ABCA2: variants seen among roughly 807,000 people sequenced by gnomAD.
The protein encoded by ABCA2 is ATP-binding cassette sub-family A member 2.
A neutral mutation model predicts 262.8 loss-of-function variants in ABCA2; 84 were observed. The ratio of observed to expected loss-of-function variants is 0.32; its 90% CI spans 0.27 to 0.38. ABCA2 has a LOEUF of 0.38. Among genes scored for constraint, ABCA2 ranks in the 10% least tolerant of loss-of-function variants. The pLI is 1.00. For synonymous variants in ABCA2, 1,696 were observed against 1,502.9 expected (o/e 1.13, Z -2.97); for missense variants, 2,662 against 3,405.9 (o/e 0.78, Z 5.44).
rs142159780 is a variant in ABCA2 at position 137,024,680 on chromosome 9, C to T, written c.67-444G>A. Reference sequence around the variant, plus strand: ...CCTCCCACTTCCTCCCCACCAATACCGGGGCCTGGGGAGATGAGGAGGCCT... The same window carrying T: ...CCTCCCACTTCCTCCCCACCAATACTGGGGCCTGGGGAGATGAGGAGGCCT... On this transcript the variant is annotated intron_variant, in intron 1 of 48. Coordinates refer to ENST00000341511, the MANE Select transcript of ABCA2 (RefSeq NM_001606.5). 4.7e-3 allele frequency among the ~76,000 whole-genome samples: 720 copies of T among 152,346 alleles called. 4 individuals are homozygous for T. Among genetic ancestry groups the T allele is most frequent in the Non-Finnish European group, 7.0e-3 (477 of 68,032 alleles).
chr9:137,013,072 A>C lies in ABCA2; in HGVS notation c.4797T>G (p.Ser1599=). ...CCTCATCCGGGGACGCTGGCGAGTC[A>C]GATGGGGCGGGCGAGGGTGGGGGTG... The part of the protein sequence containing the change: ...FVPPPPSPAP[S]DSPASPDEDL... The change falls in exon 30 of 49, where the codon TCT becomes TCG. Residue 1599 remains serine, a synonymous_variant. Coordinates refer to ENST00000341511, the MANE Select transcript of ABCA2 (RefSeq NM_001606.5). The C allele has an allele frequency of 7.5e-7, 1 of 1,333,424 alleles. No individual in the cohort carries two copies. The highest frequency in any genetic ancestry group is 1.0e-6 in the Non-Finnish European group (1 of 986,352). The allele number at this position is 1,333,424 out of a possible 1,614,324, so 82.6% of individuals were successfully genotyped here.
chr9:137,010,292 C>A lies in ABCA2; in HGVS notation c.6254G>T (p.Gly2085Val). 1 of 1,594,630 alleles carries A rather than the reference C, an allele frequency of 6.3e-7. No individual in the cohort carries two copies. The change falls in exon 41 of 49, where the codon GGG (glycine) becomes GTG (valine). Residue 2085 changes from glycine to valine, a missense_variant. Transcript: ENST00000341511. ...CLGVRPGECF[G>V]LLGVNGAGKT... ...GCCCGCACCGTTGACGCCCAGGAGC[C>A]CGAAGCACTCGCCAGGACGCACACC...
chr9:137,015,774 C>T lies in ABCA2; in HGVS notation c.3415G>A (p.Val1139Met), dbSNP rs1831236960. The T allele has an allele frequency of 1.2e-6, 2 of 1,612,404 alleles. No individual in the cohort carries two copies. Among genetic ancestry groups the T allele is most frequent in the Non-Finnish European group, 1.7e-6 (2 of 1,179,836 alleles). Residue 1139 changes from valine to methionine, a missense_variant, in exon 23 of 49, where the codon GTG (valine) becomes ATG (methionine). Physicochemically the swap from Val to Met is conservative, Grantham distance 21. Transcript: ENST00000341511. ...KRKLSVAIAF[V>M]GGSRAIILDE... ...AGGATGATGGCGCGAGAGCCGCCCA[C>T]GAAGGCGATGGCCACGGACAGCTTG...
Position 137,019,891 on chromosome 9 carries a change from C to T in ABCA2, c.1425+445G>A, listed in dbSNP as rs1436300513. The T allele has an allele frequency of 4.8e-6, 1 of 207,874 alleles. No homozygotes were observed. The highest frequency in any genetic ancestry group is 2.5e-5 in the African/African-American group (1 of 40,380). 12.9% of individuals were successfully genotyped at this position (207,874 alleles called of 1,614,324 possible). ...GCTCCACCCTCATCTGTCCCACCCT[C>T]ATCCTAGGGACCCCCTCTACACCCA... On this transcript the variant is annotated intron_variant, in intron 10 of 48. Transcript: ENST00000341511. This position sits in a 1 kb window ranked among gnomAD's most constrained non-coding sequence, Gnocchi z 4.4.
chr9:137,018,904 T>C lies in ABCA2; in HGVS notation c.1721A>G (p.Lys574Arg). Reference sequence around the variant, plus strand: ...TGGCTCGGAGGCCCCACCGCTCACCTTGGACATGAACTGGATCCAGCCGCA... The same window carrying C: ...TGGCTCGGAGGCCCCACCGCTCACCCTGGACATGAACTGGATCCAGCCGCA... ...AACGWIQFMSKVSVDIFKGFP... is the reference protein window; with the variant it reads ...AACGWIQFMSRVSVDIFKGFP... The change falls in exon 12 of 49, where the codon AAG becomes AGG. Residue 574 changes from lysine to arginine, a missense_variant and splice_region_variant. By Grantham distance (26) the Lys-to-Arg change is conservative. Transcript: ENST00000341511. The C allele has an allele frequency of 2.5e-6, 4 of 1,612,382 alleles. No homozygotes were observed. Among genetic ancestry groups the C allele is most frequent in the Non-Finnish European group, 3.4e-6 (4 of 1,179,576 alleles).
At position 137,012,470 on chromosome 9, in the gene ABCA2, C is replaced by CG. The variant is rs989242412; in HGVS notation, c.5187+14dup. ...CGCTACACACAGCGGGGCCCAGGCC[C>CG]GCAGCCTCGCTCACCTGGGCAGCCC... is the stretch of plus-strand genomic sequence containing the variant. On this transcript the variant is annotated intron_variant, in intron 32 of 48. Transcript: ENST00000341511. 4.3e-6 allele frequency: 7 copies of CG among 1,610,706 alleles called. No homozygotes were observed. The African/African-American group carries it at 8.0e-5, about 18-fold the overall frequency.
intron 18 of ABCA2, 32 bp downstream of exon 18, chr9:137,017,164 A>AC: frequency 6.2e-7 from 1 of 1,611,130 alleles, no homozygotes. Context: ...GTGGCCCGGC[A>AC]CCCCAGCCGC....
Position 137,013,814 on chromosome 9 carries a change from G to A in ABCA2, c.4447+18C>T, listed in dbSNP as rs775886783. The A allele has an allele frequency of 5.4e-5, 86 of 1,589,538 alleles. No homozygotes were observed. The highest frequency in any genetic ancestry group is 2.5e-4 in the East Asian group (11 of 43,250). ...GGGGGGAGGCAAGCCCAGCACCCCT[G>A]TCCAGCCGGTGGCCTACCAATCTCC... On this transcript the variant is annotated intron_variant, in intron 28 of 48. Coordinates refer to ENST00000341511, the MANE Select transcript of ABCA2 (RefSeq NM_001606.5).
chr9:137,023,474 T>C, intron 3 of ABCA2: 1 of 723,232 alleles, frequency 1.4e-6, no homozygotes, highest in East Asian at 2.7e-5. Flanking sequence ...TGCAAGAGCC[T>C]GAAGGAGTAT....
chr9:137,020,210 T>C, intron 10 of ABCA2, 126 bp downstream of exon 10: 2 of 1,296,796 alleles, frequency 1.5e-6, no homozygotes, highest in African/African-American at 1.5e-5. Context: ...CTGTGTCCCA[T>C]CCGAAGCTGC....
At position 137,009,572 on chromosome 9, in the gene ABCA2, T is replaced by C. The variant is rs1460470633; in HGVS notation, c.6703A>G (p.Thr2235Ala). 6.2e-7 allele frequency: 1 copy of C among 1,612,888 alleles called. No individual in the cohort carries two copies. The highest frequency in any genetic ancestry group is 1.1e-5 in the South Asian group (1 of 91,076). ...LWNLILDLIK[T>A]GRSVVLTSHS... ...GATGTCAGCACCACTGAACGCCCTG[T>C]CTTGATGAGGTCAAGGATGAGGTTC... Residue 2235 changes from threonine (T) to alanine (A), a missense_variant, in exon 44 of 49, where the codon ACA (threonine) becomes GCA (alanine). Thr to Ala is a moderately conservative substitution (Grantham distance 58). Transcript: ENST00000341511.
At chr9:137,008,900 G>GCCCCCCCCCCCCCCCAGCGCCCCC in intron 46 of ABCA2, 32 bp from the exon 47 acceptor site, 1 of 1,555,284 alleles carries the variant, frequency 6.4e-7, no homozygotes, top group Non-Finnish European at 8.7e-7. Flanking sequence ...GCCTGGCAGC[G>GCCCCCCCCCCCCCCCAGCGCCCCC]CCCCCCCACC....
At position 137,010,291 on chromosome 9, in the gene ABCA2, C is replaced by T; in HGVS notation, c.6255G>A (p.Gly2085=). The T allele has an allele frequency of 3.8e-6, 6 of 1,595,130 alleles. No homozygotes were observed. Among genetic ancestry groups the T allele is most frequent in the Non-Finnish European group, 5.1e-6 (6 of 1,171,948 alleles). The change falls in exon 41 of 49, where the codon GGG becomes GGA. Residue 2085 remains glycine, a synonymous_variant. Coordinates refer to ENST00000341511, the MANE Select transcript of ABCA2 (RefSeq NM_001606.5). ...CLGVRPGECF[G]LLGVNGAGKT... Reference sequence around the variant, plus strand: ...TGCCCGCACCGTTGACGCCCAGGAGCCCGAAGCACTCGCCAGGACGCACAC... The same window carrying T: ...TGCCCGCACCGTTGACGCCCAGGAGTCCGAAGCACTCGCCAGGACGCACAC...
Position 137,013,428 on chromosome 9 carries a change from A to G in ABCA2, c.4550+33T>C, listed in dbSNP as rs1393075412. 7.9e-6 allele frequency: 11 copies of G among 1,392,160 alleles called. No individual in the cohort carries two copies. The African/African-American group carries it at 1.6e-4, about 21-fold the overall frequency. 86.2% of individuals were successfully genotyped at this position (1,392,160 alleles called of 1,614,324 possible). ...CTGTCCCCGCCCCTTCACTCGCCCC[A>G]CCCACCAAGGCTGCCCCCGCTGGAG... On this transcript the variant is annotated intron_variant, in intron 29 of 48. Coordinates refer to ENST00000341511, the MANE Select transcript of ABCA2 (RefSeq NM_001606.5).
intron 40 of ABCA2, 90 bp from the exon 41 acceptor site, chr9:137,010,461 A>T (rs1000251511): frequency 8.2e-7 from 1 of 1,223,746 alleles, no homozygotes; most frequent in African/African-American, 2.3e-5. Context: ...CCACCTCCAG[A>T]GCCCAGGGGG....
chr9:137,008,752 G>A lies in ABCA2; in HGVS notation c.7047C>T (p.Val2349=), dbSNP rs1245328938. 2 of 1,586,502 alleles carry A rather than the reference G, an allele frequency of 1.3e-6. No individual in the cohort carries two copies. The highest frequency in any genetic ancestry group is 2.3e-5 in the South Asian group (2 of 87,500). The change falls in exon 47 of 49, where the codon GTC becomes GTT. Residue 2349 remains valine, a synonymous_variant. Coordinates refer to ENST00000341511, the MANE Select transcript of ABCA2 (RefSeq NM_001606.5). ...SGVLGIEDYS[V]SQTTLDNVFV... ...TCACATTGTCCAGTGTGGTCTGGCT[G>A]ACCGAGTAGTCCTCGATGCCCAGCA... is the stretch of plus-strand genomic sequence containing the variant.
Position 137,010,219 on chromosome 9 carries a change from C to A in ABCA2, c.6327G>T (p.Gly2109=), listed in dbSNP as rs780329856. ...KMLTGDESTT[G]GEAFVNGHSV... ...TGTGTCCATTGACGAAGGCCTCGCC[C>A]CCCGTCGTGCTCTCGTCGCCGGTCA... is the stretch of plus-strand genomic sequence containing the variant. The change falls in exon 41 of 49, where the codon GGG becomes GGT. Residue 2109 remains glycine (G), a synonymous_variant. Transcript: ENST00000341511. The A allele has an allele frequency of 6.2e-7, 1 of 1,605,154 alleles. No homozygotes were observed. The highest frequency in any genetic ancestry group is 8.5e-7 in the Non-Finnish European group (1 of 1,178,426).
intron 27 of ABCA2, 60 bp downstream of exon 27, chr9:137,014,108 G>T (rs994434643): frequency 6.3e-7 from 1 of 1,587,940 alleles, no homozygotes; most frequent in African/African-American, 1.3e-5. Flanking sequence ...CCCTCATGCC[G>T]CTCCCCCGCA....
rs766257698 is a variant in ABCA2, at chr9:137,015,889, G to A, written c.3318-18C>T. 6.2e-7 allele frequency: 1 copy of A among 1,607,606 alleles called. No individual in the cohort carries two copies. The highest frequency in any genetic ancestry group is 8.5e-7 in the Non-Finnish European group (1 of 1,176,136). Reference sequence around the variant, plus strand: ...CGATCATCCTGGGACAGGGAGGTGGGGCATGGGGCTGCTGCTATGCAGAGC... The same window carrying A: ...CGATCATCCTGGGACAGGGAGGTGGAGCATGGGGCTGCTGCTATGCAGAGC... On this transcript the variant is annotated intron_variant, in intron 22 of 48. Transcript: ENST00000341511.
Sources: gnomAD v4.1 joint callset for allele counts (sites outside exome capture counted in the v4.1 genomes callset) on GRCh38, gnomAD v4.1.1 for gene constraint, Gnocchi (gnomAD v3.1) non-coding constraint, MANE v1.5 for transcripts, NCBI Gene and HGNC (gene_info 2026-07-23, HGNC 2026-07-21) for gene names.